PDE1C: variants seen among roughly 807,000 people sequenced by gnomAD.
PDE1C encodes dual specificity calcium/calmodulin-dependent 3',5'-cyclic nucleotide phosphodiesterase 1C.
In PDE1C, 62 loss-of-function variants were observed where a neutral mutation model predicts 93.1. The ratio of observed to expected loss-of-function variants is 0.67; its 90% CI spans 0.54 to 0.82. The LOEUF is 0.82. Among genes scored for constraint, PDE1C ranks in the 40% least tolerant of loss-of-function variants. The probability of loss-of-function intolerance (pLI) is 0.00; values close to 1 mark genes in which losing one functional copy is unlikely to be tolerated. For missense variants in PDE1C, 742 were observed against 884.6 expected (o/e 0.84, Z 2.04); for synonymous variants, 325 against 310.1 (o/e 1.05, Z -0.50).
At chr7:32,374,332 C>T (rs1201410132) in intron 1 of PDE1C, among the ~76,000 whole-genome samples, 2 of 148,720 alleles carry the variant, frequency 1.3e-5, no homozygotes. Context: ...AAACTATGTT[C>T]TCTCCCTTTG....
the PDE1C span, among the ~76,000 whole-genome samples, chr7:31,684,841 C>G: frequency 2.0e-5 from 3 of 152,136 alleles, no homozygotes; most frequent in Non-Finnish European, 4.4e-5. Flanking sequence ...ATGCTACAGC[C>G]GCTTTGGTGT....
chr7:31,819,061 A>G (rs145949111), intron 14 of PDE1C, among the ~76,000 whole-genome samples: 2 of 152,238 alleles, frequency 1.3e-5, no homozygotes, highest in East Asian at 3.9e-4. Flanking sequence ...GTTTACATGA[A>G]TGAATGGTAG....
chr7:31,875,414 A>G (rs1041512886), intron 5 of PDE1C, among the ~76,000 whole-genome samples: 3 of 152,116 alleles, frequency 2.0e-5, no homozygotes, highest in Admixed American at 2.0e-4. Flanking sequence ...TTCTCAGTCT[A>G]ATGTTCTTCA....
chr7:31,873,850 T>C (rs1796225378), intron 5 of PDE1C, among the ~76,000 whole-genome samples: 2 of 152,226 alleles, frequency 1.3e-5, no homozygotes, highest in Non-Finnish European at 2.9e-5. Flanking sequence ...TGCTTTCCAT[T>C]AAGCCCTGCA....
chr7:31,698,102 G>T, the PDE1C span, among the ~76,000 whole-genome samples: 1 of 152,150 alleles, frequency 6.6e-6, no homozygotes, highest in Non-Finnish European at 1.5e-5. Context: ...TCTGTGCTGT[G>T]GTTTGGAATC....
chr7:31,692,286 G>T, the PDE1C span: 1 of 602,076 alleles, frequency 1.7e-6, no homozygotes, highest in Non-Finnish European at 2.8e-6. Context: ...CACACATAAA[G>T]AAACAGGATT....
chr7:32,000,260 G>A (rs1785289577), intron 2 of PDE1C, among the ~76,000 whole-genome samples: 1 of 152,178 alleles, frequency 6.6e-6, no homozygotes, highest in Non-Finnish European at 1.5e-5. Context: ...GGTGGGGTAA[G>A]GATTAAATGA....
the PDE1C span, among the ~76,000 whole-genome samples, chr7:31,620,155 C>G: frequency 1.3e-5 from 2 of 152,174 alleles, no homozygotes; most frequent in Non-Finnish European, 1.5e-5. Context: ...CTGCCTGCCT[C>G]TGCAGGCTCC....
chr7:31,999,345 G>A (rs148901153), intron 2 of PDE1C, among the ~76,000 whole-genome samples: 45 of 152,282 alleles, frequency 3.0e-4, no homozygotes, highest in African/African-American at 1.1e-3. Context: ...GGTTGCACAC[G>A]CTCAAATTAC....
chr7:31,741,638 T>C, the PDE1C span, among the ~76,000 whole-genome samples: 1 of 152,240 alleles, frequency 6.6e-6, no homozygotes, highest in Non-Finnish European at 1.5e-5. Flanking sequence ...GACTGGGTTT[T>C]ATTCCAGCCT....
At position 31,823,223 on chromosome 7, in the gene PDE1C, C is replaced by G; in HGVS notation, c.1432G>C (p.Ala478Pro). Reference sequence around the variant, plus strand: ...GAGGTCTTGACACCTGATCGCTTGGCATCTGACGAGCTGATGCTATTCAAA... The same window carrying G: ...GAGGTCTTGACACCTGATCGCTTGGGATCTGACGAGCTGATGCTATTCAAA... ...SSLNSISSSD[A>P]KRSGVKTSGS... The change falls in exon 14 of 18, where the codon GCC (alanine) becomes CCC (proline). Residue 478 changes from alanine to proline, a missense_variant. Ala to Pro is a conservative substitution (Grantham distance 27, BLOSUM62 -1). Around this residue, in one of 4 missense-constraint regions of PDE1C, gnomAD observed 454 missense variants for 459.4 expected, o/e 0.99. Coordinates refer to ENST00000396191, the MANE Select transcript of PDE1C (RefSeq NM_001191057.4). 1 of 1,611,228 alleles carries G rather than the reference C, an allele frequency of 6.2e-7. No homozygotes were observed. The highest frequency in any genetic ancestry group is 1.3e-5 in the African/African-American group (1 of 74,836).
At chr7:32,305,050 G>T (rs1371411073) in intron 1 of PDE1C, among the ~76,000 whole-genome samples, 1 of 152,126 alleles carries the variant, frequency 6.6e-6, no homozygotes, top group Non-Finnish European at 1.5e-5. Context: ...GAGACCGGAC[G>T]TTCTAGGTCT....
At chr7:31,955,061 C>A (rs1807938698) in intron 2 of PDE1C, among the ~76,000 whole-genome samples, 1 of 152,184 alleles carries the variant, frequency 6.6e-6, no homozygotes, top group Non-Finnish European at 1.5e-5. Context: ...TTATATATGT[C>A]TCTCTCTTTG....
At chr7:31,634,590 C>T in the PDE1C span, among the ~76,000 whole-genome samples, 3 of 152,096 alleles carry the variant, frequency 2.0e-5, no homozygotes, top group Non-Finnish European at 4.4e-5. Flanking sequence ...GATGGTTCAG[C>T]ATGGAGCCTA....
the PDE1C span, among the ~76,000 whole-genome samples, chr7:31,695,190 C>T: frequency 1.6e-4 from 25 of 152,232 alleles, no homozygotes; most frequent in Non-Finnish European, 2.8e-4. Context: ...TGTGGCTTGC[C>T]GGACCATATT....
chr7:32,090,457 G>A (rs1404097926), intron 3 of PDE1C, among the ~76,000 whole-genome samples: 2 of 152,102 alleles, frequency 1.3e-5, no homozygotes, highest in Admixed American at 6.5e-5. Flanking sequence ...GACATGCGCG[G>A]GCTTTCTTCT....
intron 16 of PDE1C, among the ~76,000 whole-genome samples, chr7:31,791,125 T>G (rs1378312391): frequency 1.3e-5 from 2 of 152,124 alleles, no homozygotes; most frequent in Non-Finnish European, 2.9e-5. Context: ...CTTTAAAGAC[T>G]AAGATACTCT....
chr7:31,810,328 T>C (rs530511946), intron 15 of PDE1C, among the ~76,000 whole-genome samples: 2 of 152,068 alleles, frequency 1.3e-5, no homozygotes, highest in Admixed American at 6.6e-5. Flanking sequence ...AGCCAAAAGA[T>C]CCCAATAATA....
chr7:32,018,083 T>C lies in PDE1C; in HGVS notation c.128+33471A>G, dbSNP rs184368195. ...CCCTGGGTGACAAAGTGAGACCCTG[T>C]CTAAAAAAAAAAGAAAAACACAATG... On this transcript the variant is annotated intron_variant, in intron 2 of 17. Coordinates refer to ENST00000396191, the MANE Select transcript of PDE1C (RefSeq NM_001191057.4). Among the ~76,000 whole-genome samples the C allele has an allele frequency of 3.9e-3, 591 of 150,154 alleles. 2 individuals carry two copies. The highest frequency in any genetic ancestry group is 0.014 in the African/African-American group (559 of 40,826).
Sources: gnomAD v4.1 joint callset for allele counts (sites outside exome capture counted in the v4.1 genomes callset) on GRCh38, gnomAD v4.1.1 for gene constraint, gnomAD v4.1.1 regional missense constraint, MANE v1.5 for transcripts, NCBI Gene and HGNC (gene_info 2026-07-23, HGNC 2026-07-21) for gene names.